Variants in CPAP observed in about 807,000 individuals in gnomAD.
CPAP encodes centrosome assembly and centriole elongation protein.
At chr13:24,886,393 A>C in the CPAP span, 1 of 1,286,966 alleles carries the variant, frequency 7.8e-7, no homozygotes, top group Non-Finnish European at 1.0e-6. Context: ...TGCCTGTGAG[A>C]CAGGAATGGT....
At chr13:24,910,178 C>T in the CPAP span, 7 of 1,115,344 alleles carry the variant, frequency 6.3e-6, no homozygotes, top group Non-Finnish European at 9.4e-6. Flanking sequence ...AAAGACTTCT[C>T]CACAGTGACA....
the CPAP span, among the ~76,000 whole-genome samples, chr13:24,891,335 C>T: frequency 9.9e-5 from 15 of 152,200 alleles, no homozygotes; most frequent in Non-Finnish European, 1.9e-4. Context: ...CACATTGAGA[C>T]GATCCCAGGT....
At chr13:24,892,643 C>T in the CPAP span, 37 of 1,613,620 alleles carry the variant, frequency 2.3e-5, no homozygotes, top group Middle Eastern at 1.7e-4. Flanking sequence ...CCCTGCCTAC[C>T]GCAAGCTTGT....
chr13:24,885,354 C>T, the CPAP span: 1 of 1,613,978 alleles, frequency 6.2e-7, no homozygotes, highest in Non-Finnish European at 8.5e-7. Context: ...CTGGGAAGTT[C>T]AGTGGTTCAA....
chr13:24,929,637 A>C, the CPAP span, among the ~76,000 whole-genome samples: 22 of 152,208 alleles, frequency 1.4e-4, no homozygotes, highest in Admixed American at 1.4e-3. Context: ...TGAGCTTATT[A>C]GAAGTGTTAC....
the CPAP span, among the ~76,000 whole-genome samples, chr13:24,917,794 G>A: frequency 6.6e-6 from 1 of 152,320 alleles, no homozygotes; most frequent in East Asian, 1.9e-4. Flanking sequence ...AAAAACAAGA[G>A]CATGGCATTG....
At chr13:24,905,733 T>C in the CPAP span, 30 of 1,614,096 alleles carry the variant, frequency 1.9e-5, no homozygotes, top group Admixed American at 1.7e-4. Flanking sequence ...CTTTCCATGA[T>C]AGACTCATCG....
the CPAP span, among the ~76,000 whole-genome samples, chr13:24,927,426 T>C: frequency 2.6e-5 from 4 of 152,156 alleles, no homozygotes; most frequent in Non-Finnish European, 4.4e-5. Flanking sequence ...TCCCATAAAG[T>C]CTGGTAAATG....
At chr13:24,912,656 C>T in the CPAP span, 2 of 1,613,656 alleles carry the variant, frequency 1.2e-6, no homozygotes, top group Non-Finnish European at 1.7e-6. Context: ...GGGATGAAGT[C>T]ATTTTTGTTT....
chr13:24,894,084 C>T, the CPAP span, among the ~76,000 whole-genome samples: 3 of 151,996 alleles, frequency 2.0e-5, no homozygotes, highest in Non-Finnish European at 4.4e-5. Flanking sequence ...TGGCACAGTG[C>T]CAGCACTACA....
the CPAP span, among the ~76,000 whole-genome samples, chr13:24,896,743 T>C: frequency 2.0e-5 from 3 of 152,246 alleles, no homozygotes; most frequent in African/African-American, 7.2e-5. Context: ...CAACCTTGTG[T>C]GGTCTAAGGA....
chr13:24,930,121 A>G, the CPAP span, among the ~76,000 whole-genome samples: 1,136 of 151,898 alleles, frequency 7.5e-3, 14 homozygotes, highest in African/African-American at 0.025. Flanking sequence ...TATGTTGCCA[A>G]GGCAAACTCT....
the CPAP span, among the ~76,000 whole-genome samples, chr13:24,925,608 GA>G: frequency 6.6e-6 from 1 of 152,014 alleles, no homozygotes; most frequent in Non-Finnish European, 1.5e-5. Context: ...CTCTTAAAAA[GA>G]AAAAAAGTGG....
the CPAP span, among the ~76,000 whole-genome samples, chr13:24,929,147 T>G: frequency 6.6e-6 from 1 of 152,240 alleles, no homozygotes; most frequent in East Asian, 1.9e-4. Context: ...CACTGTAGCC[T>G]CAACCTCCAG....
chr13:24,929,585 T>C, the CPAP span, among the ~76,000 whole-genome samples: 1 of 152,358 alleles, frequency 6.6e-6, no homozygotes, highest in African/African-American at 2.4e-5. Context: ...TATAATATAA[T>C]GCTATTGTGA....
chr13:24,933,187 G>A, the CPAP span: 3 of 1,309,430 alleles, frequency 2.3e-6, no homozygotes, highest in Non-Finnish European at 3.3e-6. Context: ...CGCATTCAGG[G>A]AACAACAGGG....
At chr13:24,933,085 A>G in the CPAP span, 1 of 1,590,206 alleles carries the variant, frequency 6.3e-7, no homozygotes, top group Admixed American at 1.7e-5. Flanking sequence ...AAAGCTACAA[A>G]CTGACATTAA....
the CPAP span, among the ~76,000 whole-genome samples, chr13:24,910,788 C>T: frequency 1.3e-4 from 20 of 152,296 alleles, no homozygotes; most frequent in South Asian, 3.7e-3. Flanking sequence ...CTTGATTATT[C>T]TTTGTATGTA....
At chr13:24,924,823 C>G in the CPAP span, 2 of 152,210 alleles carry the variant, frequency 1.3e-5, no homozygotes, top group African/African-American at 4.8e-5. Context: ...TGATAACTTA[C>G]AAACAGCTTT....
Sources: gnomAD v4.1 joint callset for allele counts (sites outside exome capture counted in the v4.1 genomes callset) on GRCh38, gnomAD v4.1.1 for gene constraint, MANE v1.5 for transcripts, NCBI Gene and HGNC (gene_info 2026-07-23, HGNC 2026-07-21) for gene names.